MCU: variants seen among roughly 807,000 people sequenced by gnomAD.
MCU encodes mitochondrial calcium uniporter.
A neutral mutation model predicts 45.2 loss-of-function variants in MCU; 12 were observed. The ratio of observed to expected loss-of-function variants is 0.27; its 90% CI spans 0.17 to 0.43. MCU has a LOEUF of 0.43. Ranked by LOEUF, MCU falls within the 20% of genes least tolerant of loss-of-function variation. The pLI is 1.00. For synonymous variants in MCU, 160 were observed against 165.1 expected, an observed-to-expected ratio of 0.97 and a Z score of 0.24; for missense variants, 324 against 436.7, an observed-to-expected ratio of 0.74 and a Z score of 2.30.
chr10:72,884,081 T>A (rs1176612510), intron 6 of MCU, among the ~76,000 whole-genome samples, 185 bp from the exon 7 acceptor site: 1 of 152,222 alleles, frequency 6.6e-6, no homozygotes, highest in Non-Finnish European at 1.5e-5. Flanking sequence ...TTCACTGTGA[T>A]GTACATTTTG....
intron 2 of MCU, among the ~76,000 whole-genome samples, chr10:72,844,364 G>A (rs779237446): frequency 5.3e-5 from 8 of 152,000 alleles, no homozygotes; most frequent in Non-Finnish European, 1.0e-4. Context: ...TCCAGCCTGG[G>A]CAACAGAGCA....
At chr10:72,741,017 A>G (rs1231267065) in intron 1 of MCU, among the ~76,000 whole-genome samples, 2 of 152,138 alleles carry the variant, frequency 1.3e-5, no homozygotes, top group South Asian at 4.1e-4. Flanking sequence ...AATTGTAAAC[A>G]CAATTAACAA....
At chr10:72,734,221 G>A (rs1564541860) in intron 1 of MCU, among the ~76,000 whole-genome samples, 1 of 152,130 alleles carries the variant, frequency 6.6e-6, no homozygotes, top group East Asian at 1.9e-4. Context: ...ACTCCTGCCT[G>A]GGTGATGGAG....
At chr10:72,732,762 A>G (rs1843192914) in intron 1 of MCU, among the ~76,000 whole-genome samples, 1 of 152,218 alleles carries the variant, frequency 6.6e-6, no homozygotes, top group Non-Finnish European at 1.5e-5. Flanking sequence ...TTTCCTCACC[A>G]GGAATTTGGG....
intron 2 of MCU, among the ~76,000 whole-genome samples, chr10:72,839,963 C>CAAAAAAA (rs34053459): frequency 1.3e-5 from 1 of 76,316 alleles, no homozygotes; most frequent in African/African-American, 5.4e-5. Flanking sequence ...GACTCCGTCT[C>CAAAAAAA]AAAAAAAAAA....
At chr10:72,880,649 A>G (rs1422720352) in intron 6 of MCU, among the ~76,000 whole-genome samples, 2 of 152,244 alleles carry the variant, frequency 1.3e-5, no homozygotes, top group African/African-American at 4.8e-5. Flanking sequence ...CTAAAACGGT[A>G]TGAAAATGTA....
At position 72,719,018 on chromosome 10, in the gene MCU, G is replaced by A. The variant is rs531055036; in HGVS notation, c.150+26717G>A. Among the ~76,000 whole-genome samples, 12 of 152,166 alleles carry A rather than the reference G, an allele frequency of 7.9e-5. No homozygotes were observed. In the East Asian group the frequency reaches 2.3e-3, roughly 29 times the overall value. On this transcript the variant is annotated intron_variant, in intron 1 of 7. Transcript: ENST00000373053. ...AGAGGGTATGAAGGGGGCTCCTGGG[G>A]TGCTAGTAATGTTCTGTCTCTTGGT... is the stretch of plus-strand genomic sequence containing the variant.
intron 1 of MCU, chr10:72,693,065 TG>T (rs1842644723): frequency 6.5e-7 from 1 of 1,536,102 alleles, no homozygotes; most frequent in Non-Finnish European, 8.7e-7. Context: ...GAAGCGAATA[TG>T]GTAAGTTGTT....
rs1554821994 is a variant in MCU at position 72,751,327 on chromosome 10, ATCT to A, written c.150+59040_150+59042del. 1.9e-3 allele frequency among the ~76,000 whole-genome samples: 179 copies of A among 95,654 alleles called. 1 individual carries two copies. The highest frequency in any genetic ancestry group is 3.2e-3 in the African/African-American group (79 of 24,942). 62.8% of individuals were successfully genotyped at this position (95,654 alleles called of 152,430 possible). ...CTCAAATGGTTTTTTTTTCTCTAAC[ATCT>A]TCTTCTTCTTCTTTTTTTTTTTTTT... On this transcript the variant is annotated intron_variant, in intron 1 of 7. Coordinates refer to ENST00000373053, the MANE Select transcript of MCU (RefSeq NM_138357.3).
At chr10:72,880,431 C>A (rs1378584870) in intron 6 of MCU, among the ~76,000 whole-genome samples, 9 of 150,566 alleles carry the variant, frequency 6.0e-5, no homozygotes, top group African/African-American at 1.9e-4. Flanking sequence ...AAAGCTGCAC[C>A]TTAAAATTAC....
chr10:72,862,456 G>C (rs1241394475), intron 4 of MCU, among the ~76,000 whole-genome samples: 1 of 152,148 alleles, frequency 6.6e-6, no homozygotes, highest in Non-Finnish European at 1.5e-5. Flanking sequence ...ACTGACAGTG[G>C]GGGCGGGGGC....
chr10:72,773,588 A>T (rs1843844671), intron 1 of MCU, among the ~76,000 whole-genome samples: 1 of 152,194 alleles, frequency 6.6e-6, no homozygotes, highest in Admixed American at 6.5e-5. Context: ...ATAACAGGTA[A>T]TTTTTTAAAA....
intron 1 of MCU, chr10:72,692,757 C>T: frequency 7.4e-7 from 1 of 1,345,468 alleles, no homozygotes; most frequent in Non-Finnish European, 9.5e-7. Context: ...AGTGGCAGTG[C>T]CATGCTGCTG....
intron 1 of MCU, among the ~76,000 whole-genome samples, chr10:72,829,875 T>TTA (rs1299373213): frequency 6.6e-6 from 1 of 152,238 alleles, no homozygotes; most frequent in Non-Finnish European, 1.5e-5. Context: ...CTTTAGTAGA[T>TTA]TCTAAGCTTC....
At chr10:72,834,766 A>T (rs1373271197) in intron 2 of MCU, among the ~76,000 whole-genome samples, 2 of 152,088 alleles carry the variant, frequency 1.3e-5, no homozygotes, top group African/African-American at 4.8e-5. Context: ...GATTCAAGCA[A>T]TTCTCCTGCC....
intron 1 of MCU, among the ~76,000 whole-genome samples, chr10:72,751,631 C>G (rs565297795): frequency 6.6e-6 from 1 of 151,826 alleles, no homozygotes; most frequent in African/African-American, 2.4e-5. Context: ...GCTGGGATTA[C>G]GGGTGTGAGC....
intron 1 of MCU, among the ~76,000 whole-genome samples, chr10:72,711,332 T>C (rs1842892025): frequency 6.6e-6 from 1 of 150,848 alleles, no homozygotes; most frequent in African/African-American, 2.4e-5. Flanking sequence ...GTGATTCTCC[T>C]GCCTCAGCCT....
intron 1 of MCU, among the ~76,000 whole-genome samples, chr10:72,757,324 A>G (rs1214604699): frequency 6.6e-6 from 1 of 152,172 alleles, no homozygotes; most frequent in Non-Finnish European, 1.5e-5. Context: ...ACATTATTGT[A>G]TAAGGAGTAC....
At chr10:72,852,096 A>T (rs1845215707) in intron 2 of MCU, among the ~76,000 whole-genome samples, 1 of 152,190 alleles carries the variant, frequency 6.6e-6, no homozygotes. Flanking sequence ...TCTTTTTCAC[A>T]TACAGAAAGG....
Sources: allele counts gnomAD v4.1 joint callset (sites outside exome capture counted in the v4.1 genomes callset), GRCh38; gene constraint gnomAD v4.1.1; transcripts MANE v1.5; gene names NCBI Gene and HGNC (gene_info 2026-07-23, HGNC 2026-07-21).